Variants in TANC1 observed in about 807,000 individuals in gnomAD.
TANC1 encodes the protein tetratricopeptide repeat, ankyrin repeat and coiled-coil containing 1, also known as protein TANC1.
In TANC1, 77 loss-of-function variants were observed where a neutral mutation model predicts 149.7. That is an observed-to-expected ratio of 0.51 (90% CI 0.43 to 0.62). TANC1 has a LOEUF of 0.62. TANC1 is among the 20% of genes least tolerant of loss of function. TANC1 has a pLI of 0.00. For synonymous variants in TANC1, 854 were observed against 925.0 expected, an observed-to-expected ratio of 0.92 and a Z score of 1.39; for missense variants, 1,985 against 2,321.8, an observed-to-expected ratio of 0.85 and a Z score of 2.98.
intron 4 of TANC1, among the ~76,000 whole-genome samples, chr2:159,121,933 A>G (rs562754759): frequency 6.6e-6 from 1 of 152,128 alleles, no homozygotes; most frequent in South Asian, 2.1e-4. Flanking sequence ...CAAGTGTTTG[A>G]AACTTTTTAT....
At chr2:158,984,356 TAA>T (rs2149242649) in intron 1 of TANC1, among the ~76,000 whole-genome samples, 1 of 152,336 alleles carries the variant, frequency 6.6e-6, no homozygotes, top group Admixed American at 6.5e-5. Context: ...GTGGAAAATG[TAA>T]AGAGACTTTA....
At chr2:159,069,705 A>G (rs1357243080) in intron 3 of TANC1, among the ~76,000 whole-genome samples, 1 of 152,122 alleles carries the variant, frequency 6.6e-6, no homozygotes, top group Admixed American at 6.6e-5. Flanking sequence ...GAATAGGAAA[A>G]AAAGTCCCAT....
chr2:159,082,605 G>C (rs1416862156), intron 3 of TANC1, among the ~76,000 whole-genome samples: 1 of 152,154 alleles, frequency 6.6e-6, no homozygotes, highest in Non-Finnish European at 1.5e-5. Context: ...GAGCAGATGG[G>C]GGAAAAAGCC....
At chr2:159,167,299 TGAG>T (rs1182641838) in intron 8 of TANC1, among the ~76,000 whole-genome samples, 1 of 152,188 alleles carries the variant, frequency 6.6e-6, no homozygotes, top group Non-Finnish European at 1.5e-5. Flanking sequence ...ATGAGGCATG[TGAG>T]GAGAAGGGTC....
At chr2:158,979,102 G>T (rs925762151) in intron 1 of TANC1, among the ~76,000 whole-genome samples, 18 of 152,140 alleles carry the variant, frequency 1.2e-4, no homozygotes, top group African/African-American at 4.3e-4. Flanking sequence ...ATCTTGCTGT[G>T]AAACTTTCAC....
Position 159,194,371 on chromosome 2 carries a change from C to G in TANC1, c.2857C>G (p.Leu953Val). The G allele has an allele frequency of 6.2e-7, 1 of 1,614,292 alleles. No homozygotes were observed. The highest frequency in any genetic ancestry group is 1.6e-4 in the Middle Eastern group (1 of 6,062). The change falls in exon 17 of 27, where the codon CTG becomes GTG. Residue 953 changes from leucine to valine, a missense_variant. Transcript: ENST00000263635. ...CCTTGGCCACGAGGAAGTTGTCACT[C>G]TGCTCCTGGAATTTGGTGCCTGCCT... is the stretch of plus-strand genomic sequence containing the variant. ...SHLGHEEVVT[L>V]LLEFGACLDG...
intron 5 of TANC1, among the ~76,000 whole-genome samples, chr2:159,145,205 A>AT (rs2150278901): frequency 6.6e-6 from 1 of 152,366 alleles, no homozygotes; most frequent in South Asian, 2.1e-4. Context: ...TTGTCATGGA[A>AT]TAGTGAGTTT....
intron 3 of TANC1, among the ~76,000 whole-genome samples, chr2:159,094,773 G>T (rs2045913411): frequency 7.0e-6 from 1 of 142,136 alleles, no homozygotes; most frequent in African/African-American, 2.8e-5. Flanking sequence ...TTGTGTGTGT[G>T]TGGGGGGGGG....
rs1465188558 is a variant in TANC1 at position 159,219,838 on chromosome 2, C to G, written c.3649C>G (p.Leu1217Val). The change falls in exon 22 of 27, where the codon CTG becomes GTG. Residue 1217 changes from leucine (L) to valine (V), a missense_variant. Leu to Val is a conservative substitution (Grantham distance 32). This residue lies in a region of TANC1 where 920 missense variants were observed against 994.7 expected (regional missense o/e 0.92). Transcript: ENST00000263635. Reference sequence around the variant, plus strand: ...CAAGAATGGCCGCACACCCTTGGACCTGGCTGCCTTCTATGGCGATGCCGA... The same window carrying G: ...CAAGAATGGCCGCACACCCTTGGACGTGGCTGCCTTCTATGGCGATGCCGA... ...TDKNGRTPLD[L>V]AAFYGDAETV... The G allele has an allele frequency of 6.2e-7, 1 of 1,613,544 alleles. No individual in the cohort carries two copies. The highest frequency in any genetic ancestry group is 1.7e-5 in the Admixed American group (1 of 60,034).
intron 1 of TANC1, among the ~76,000 whole-genome samples, chr2:158,983,468 CAAA>C (rs35472970): frequency 1.5e-3 from 130 of 88,798 alleles, no homozygotes; most frequent in Middle Eastern, 6.1e-3. Flanking sequence ...CTCCGTCTCC[CAAA>C]AAAAAAAAAA....
intron 7 of TANC1, among the ~76,000 whole-genome samples, chr2:159,159,351 A>G (rs1347731593): frequency 1.3e-5 from 2 of 151,182 alleles, no homozygotes; most frequent in East Asian, 2.0e-4. Flanking sequence ...AGGTGGGAGG[A>G]TCGCTTGAGC....
intron 5 of TANC1, among the ~76,000 whole-genome samples, chr2:159,143,072 A>AAAAAAGC (rs1553573299): frequency 3.7e-4 from 43 of 116,732 alleles, no homozygotes; most frequent in African/African-American, 1.3e-3. Context: ...CAAAAAAAAA[A>AAAAAAGC]AAAAAACAAC....
At chr2:159,026,865 C>G (rs1215766672) in intron 2 of TANC1, among the ~76,000 whole-genome samples, 1 of 152,136 alleles carries the variant, frequency 6.6e-6, no homozygotes, top group Non-Finnish European at 1.5e-5. Context: ...CCTTCTAGAG[C>G]TCTGGGCCAG....
chr2:159,229,102 T>C (rs2060194727), intron 26 of TANC1, among the ~76,000 whole-genome samples: 1 of 152,084 alleles, frequency 6.6e-6, no homozygotes, highest in Non-Finnish European at 1.5e-5. Context: ...TCTCCTGACG[T>C]CTCAATAATC....
chr2:159,125,976 C>T (rs2150126522), intron 4 of TANC1, among the ~76,000 whole-genome samples: 1 of 152,306 alleles, frequency 6.6e-6, no homozygotes, highest in African/African-American at 2.4e-5. Flanking sequence ...TCCCTTCCTT[C>T]ATCTTCAATG....
chr2:159,161,352 C>A (rs1481624378), intron 7 of TANC1, among the ~76,000 whole-genome samples: 1 of 152,204 alleles, frequency 6.6e-6, no homozygotes, highest in Non-Finnish European at 1.5e-5. Flanking sequence ...GGAACTCTTC[C>A]TGTCACTTGG....
In TANC1 at chr2:159,152,825, C is replaced by T. The variant is rs540947984; in HGVS notation, c.682+2269C>T. ...GAGAGCCACCCATTCGTTTATTTCTCTTTCTCTCTCATTGAGATACAGTGC... is the reference window on the plus strand; with the variant it reads ...GAGAGCCACCCATTCGTTTATTTCTTTTTCTCTCTCATTGAGATACAGTGC... On this transcript the variant is annotated intron_variant, in intron 7 of 26. Transcript: ENST00000263635. 2.5e-3 allele frequency among the ~76,000 whole-genome samples: 384 copies of T among 152,302 alleles called. 2 individuals are homozygous for T. Among genetic ancestry groups the T allele is most frequent in the African/African-American group, 8.7e-3 (362 of 41,578 alleles).
intron 4 of TANC1, among the ~76,000 whole-genome samples, chr2:159,124,736 A>G (rs1255665152): frequency 6.6e-6 from 1 of 150,920 alleles, no homozygotes. Context: ...TAAGGAAATC[A>G]GCTGCATTTT....
In TANC1 at chr2:159,169,274, A is replaced by G; in HGVS notation, c.971A>G (p.Asp324Gly). The G allele has an allele frequency of 6.2e-7, 1 of 1,613,872 alleles. No individual in the cohort carries two copies. Among genetic ancestry groups the G allele is most frequent in the East Asian group, 2.2e-5 (1 of 44,874 alleles). The change falls in exon 9 of 27, where the codon GAT (aspartate) becomes GGT (glycine). Residue 324 changes from aspartate (D) to glycine (G), a missense_variant. Physicochemically the swap from Asp to Gly is moderately conservative, Grantham distance 94. Coordinates refer to ENST00000263635, the MANE Select transcript of TANC1 (RefSeq NM_033394.3). ...VAATSSTKLE[D>G]LSYLDGQRNA... ...GCAACAAGCTCAACCAAATTGGAAGATCTGAGTTATTTAGACGGGCAGAGA... is the reference window on the plus strand; with the variant it reads ...GCAACAAGCTCAACCAAATTGGAAGGTCTGAGTTATTTAGACGGGCAGAGA...
Sources: allele counts gnomAD v4.1 joint callset (sites outside exome capture counted in the v4.1 genomes callset), GRCh38; gene constraint gnomAD v4.1.1; regional missense constraint gnomAD v4.1.1; transcripts MANE v1.5; gene names NCBI Gene and HGNC (gene_info 2026-07-23, HGNC 2026-07-21).